ERCC2: variants seen among roughly 807,000 people sequenced by gnomAD.
The protein encoded by ERCC2 is general transcription and DNA repair factor IIH helicase subunit XPD.
Under a neutral mutation model 99.4 loss-of-function variants are expected in ERCC2, and 90 were observed. The observed-to-expected ratio is 0.91, with a 90% CI of 0.76 to 1.08. The LOEUF is 1.08. Ranked by LOEUF, ERCC2 falls within the 50% of genes least tolerant of loss-of-function variation. The pLI, the probability that ERCC2 is intolerant of heterozygous loss-of-function variation, is 0.00. For synonymous variants in ERCC2, 497 were observed against 432.4 expected (o/e 1.15, Z -1.85); for missense variants, 993 against 1,038.1 (o/e 0.96, Z 0.60).
In ERCC2 at chr19:45,364,300, G is replaced by A. The variant is rs764314854; in HGVS notation, c.750C>T (p.Asn250=). Residue 250 remains asparagine, a synonymous_variant, in exon 9 of 23, where the codon AAC becomes AAT. Transcript: ENST00000391945. The part of the protein sequence containing the change: ...DNVCIDSMSV[N]LTRRTLDRCQ... ...ACCGGTCAAGGGTCCGGCGGGTGAG[G>A]TTGACGCTCATGGAGTCGATGCAGA... The A allele has an allele frequency of 6.2e-7, 1 of 1,614,038 alleles. No homozygotes were observed. Among genetic ancestry groups the A allele is most frequent in the African/African-American group, 1.3e-5 (1 of 75,066 alleles).
In ERCC2 at chr19:45,350,319, C is replaced by A; in HGVS notation, c.*1310G>T. The stretch of plus-strand genomic sequence containing the variant: ...TTGGGAACTGGGGTCCGAAAAGTTC[C>A]CAGACACTCCCTTCTCCGCAGGCCT... On this transcript the variant is annotated 3_prime_UTR_variant, in exon 23 of 23. Coordinates refer to ENST00000391945, the MANE Select transcript of ERCC2 (RefSeq NM_000400.4). The A allele has an allele frequency of 6.2e-7, 1 of 1,609,242 alleles. No homozygotes were observed. The highest frequency in any genetic ancestry group is 1.1e-5 in the South Asian group (1 of 90,970).
Position 45,352,513 on chromosome 19 carries a change from G to A in ERCC2, c.2039C>T (p.Ala680Val). 2 of 1,614,164 alleles carry A rather than the reference G, an allele frequency of 1.2e-6. No individual in the cohort carries two copies. Among genetic ancestry groups the A allele is most frequent in the East Asian group, 2.2e-5 (1 of 44,882 alleles). Reference sequence around the variant, plus strand: ...GCACCCCTGAAGCTGCACCTTGTCGGCAAAGACCATGAGGCCGTAGTCCGT... The same window carrying A: ...GCACCCCTGAAGCTGCACCTTGTCGACAAAGACCATGAGGCCGTAGTCCGT... Reference protein sequence around the residue: ...GKTDYGLMVFADKRFARGDKR... With the variant: ...GKTDYGLMVFVDKRFARGDKR... The change falls in exon 21 of 23, where the codon GCC becomes GTC. Residue 680 changes from alanine (A) to valine (V), a missense_variant. Around this residue, in one of 3 missense-constraint regions of ERCC2, gnomAD observed 909 missense variants for 930.8 expected, o/e 0.98. Coordinates refer to ENST00000391945, the MANE Select transcript of ERCC2 (RefSeq NM_000400.4).
intron 15 of ERCC2, among the ~76,000 whole-genome samples, chr19:45,356,313 A>C (rs753205960): frequency 7.2e-5 from 11 of 152,118 alleles, no homozygotes; most frequent in Admixed American, 2.6e-4. Flanking sequence ...TTTCTTTTTC[A>C]AGTTTGGCAC....
chr19:45,364,823 C>T lies in ERCC2; in HGVS notation c.594+15G>A, dbSNP rs919649000. The stretch of plus-strand genomic sequence containing the variant: ...CTCACACTCGCCCCTCTGCCCATCC[C>T]ACCAGCCTCCTCACTGAGTATCGAG... On this transcript the variant is annotated intron_variant, in intron 7 of 22. Transcript: ENST00000391945. The T allele has an allele frequency of 5.0e-6, 8 of 1,593,576 alleles. No individual in the cohort carries two copies. The highest frequency in any genetic ancestry group is 2.7e-5 in the African/African-American group (2 of 74,544).
rs746686219 is a variant in ERCC2 at position 45,353,158 on chromosome 19, G to A, written c.1759-3C>T. On this transcript the variant is annotated splice_region_variant and splice_polypyrimidine_tract_variant and intron_variant, in intron 18 of 22. Coordinates refer to ENST00000391945, the MANE Select transcript of ERCC2 (RefSeq NM_000400.4). ...GCCCCGCGGCCATTCTCGCAGGCCTGAGGTGGGGAGACCGAGACGCAAGTT... is the reference window on the plus strand; with the variant it reads ...GCCCCGCGGCCATTCTCGCAGGCCTAAGGTGGGGAGACCGAGACGCAAGTT... The A allele has an allele frequency of 2.8e-5, 45 of 1,613,794 alleles. 2 individuals are homozygous for A. In the South Asian group the frequency reaches 4.8e-4, roughly 17 times the overall value.
Position 45,352,322 on chromosome 19 carries a change from G to GCTT in ERCC2, c.2074_2076dup (p.Lys692dup). The GCTT allele has an allele frequency of 6.2e-7, 1 of 1,614,060 alleles. No homozygotes were observed. The highest frequency in any genetic ancestry group is 2.2e-5 in the East Asian group (1 of 44,880). On this transcript the variant is annotated inframe_insertion, in exon 22 of 23. Coordinates refer to ENST00000391945, the MANE Select transcript of ERCC2 (RefSeq NM_000400.4). ...AGGTGCTCCTGGATCCAGCGGGGCAGCTTCCCCCGCTTGTCCCCACGGGCA... is the reference window on the plus strand; with the variant it reads ...AGGTGCTCCTGGATCCAGCGGGGCAGCTTCTTCCCCCGCTTGTCCCCACGGGCA...
chr19:45,352,464 G>A (rs376118284), intron 21 of ERCC2, 42 bp downstream of exon 21: 1 of 1,613,938 alleles, frequency 6.2e-7, no homozygotes, highest in Non-Finnish European at 8.5e-7. Flanking sequence ...CCTGGTTCTT[G>A]GAGCCTGGGA....
At chr19:45,358,904 G>A (rs1403119813) in intron 12 of ERCC2, 1 of 776,318 alleles carries the variant, frequency 1.3e-6, no homozygotes, top group Admixed American at 1.7e-5. Flanking sequence ...CCACAGTGCT[G>A]AGCCTGGCCT....
rs1971857332 is a variant in ERCC2, at chr19:45,352,776, G to GGGGACGCCAAACATGATGAC, written c.1852_1871dup (p.Tyr625SerfsTer91). 3.7e-6 allele frequency: 6 copies of GGGGACGCCAAACATGATGAC among 1,613,816 alleles called. No homozygotes were observed. Among genetic ancestry groups the GGGGACGCCAAACATGATGAC allele is most frequent in the South Asian group, 2.2e-5 (2 of 91,078 alleles). ...GAATGCGGCTCTGTGTGTAGACGTAGGGGACGCCAAACATGATGACGGCCC... is the reference window on the plus strand; with the variant it reads ...GAATGCGGCTCTGTGTGTAGACGTAGGGGACGCCAAACATGATGACGGGACGCCAAACATGATGACGGCCC... On this transcript the variant is annotated frameshift_variant, in exon 20 of 23. Coordinates refer to ENST00000391945, the MANE Select transcript of ERCC2 (RefSeq NM_000400.4). LOFTEE classifies it high-confidence loss of function.
intron 2 of ERCC2, 145 bp downstream of exon 2, chr19:45,369,988 T>C: frequency 4.2e-6 from 3 of 711,728 alleles, no homozygotes; most frequent in Non-Finnish European, 7.0e-6. Context: ...TTCACCATTA[T>C]TGTTTTAGAT....
At chr19:45,368,860 C>T in intron 4 of ERCC2, 70 bp downstream of exon 4, 9 of 1,587,464 alleles carry the variant, frequency 5.7e-6, no homozygotes, top group East Asian at 2.2e-5. Context: ...CTGGTGACGG[C>T]CACCGCCAGG....
chr19:45,352,733 C>G lies in ERCC2; in HGVS notation c.1902+13G>C. The G allele has an allele frequency of 1.2e-6, 2 of 1,613,956 alleles. No homozygotes were observed. ...TAACACTGTGGGACTCCCTGGGAGA[C>G]AGAGCTACTCACCTTGAGAATGCGG... On this transcript the variant is annotated intron_variant, in intron 20 of 22. Coordinates refer to ENST00000391945, the MANE Select transcript of ERCC2 (RefSeq NM_000400.4).
Position 45,364,062 on chromosome 19 carries a change from C to T in ERCC2, c.873G>A (p.Gly291=), listed in dbSNP as rs552090174. Residue 291 remains glycine (G), a synonymous_variant, in exon 10 of 23, where the codon GGG becomes GGA. Transcript: ENST00000391945. The part of the protein sequence containing the change: ...LRDEYRRLVE[G]LREASAARET... ...CCCGGGCGGCGCTGGCCTCCCGCAGCCCCTCCACCAGACGCCGGTACTCGT... is the reference window on the plus strand; with the variant it reads ...CCCGGGCGGCGCTGGCCTCCCGCAGTCCCTCCACCAGACGCCGGTACTCGT... 1.1e-5 allele frequency: 18 copies of T among 1,582,032 alleles called. No homozygotes were observed. In the Admixed American group the frequency reaches 2.5e-4, roughly 22 times the overall value.
chr19:45,368,705 C>G lies in ERCC2; in HGVS notation c.285G>C (p.Glu95Asp), dbSNP rs1281566631. Residue 95 changes from glutamate to aspartate, a missense_variant, in exon 5 of 23, where the codon GAG becomes GAC. Physicochemically the swap from Glu to Asp is conservative, Grantham distance 45. Transcript: ENST00000391945. ...EELRKLLNFY[E>D]KQEGEKLPFL... is the part of the protein sequence containing the mutation. The stretch of plus-strand genomic sequence containing the variant: ...ACGGCAGCTTCTCGCCCTCCTGCTT[C>G]TCATAGAAGTTGAGCAACTTTCGAA... 1 of 1,613,950 alleles carries G rather than the reference C, an allele frequency of 6.2e-7. No homozygotes were observed. The highest frequency in any genetic ancestry group is 8.5e-7 in the Non-Finnish European group (1 of 1,179,968).
intron 15 of ERCC2, 76 bp from the exon 16 acceptor site, chr19:45,355,804 C>G (rs1971992433): frequency 6.5e-6 from 6 of 922,164 alleles, no homozygotes; most frequent in Non-Finnish European, 1.0e-5. Flanking sequence ...CCTGCTGGTG[C>G]TGTTCTAAGC....
intron 5 of ERCC2, among the ~76,000 whole-genome samples, 155 bp from the exon 6 acceptor site, chr19:45,365,313 G>A (rs978659205): frequency 3.9e-5 from 6 of 152,174 alleles, no homozygotes; most frequent in Admixed American, 2.0e-4. Flanking sequence ...CTTAATGCAG[G>A]GATACAAGAG....
chr19:45,364,242 C>G lies in ERCC2; in HGVS notation c.808G>C (p.Val270Leu). 2.5e-6 allele frequency: 4 copies of G among 1,613,692 alleles called. No homozygotes were observed. Among genetic ancestry groups the G allele is most frequent in the Non-Finnish European group, 3.4e-6 (4 of 1,179,934 alleles). ...AGACGTCCCCGGCCCCACCTGAGCA[C>G]CGTCTTCTGCAGGGTCTCCAGGTTG... ...QGNLETLQKT[V>L]LRIKETDEQR... Residue 270 changes from valine (V) to leucine (L), a missense_variant, in exon 9 of 23, where the codon GTG (valine) becomes CTG (leucine). Val to Leu is a conservative substitution (Grantham distance 32, BLOSUM62 1). This residue lies in a region of ERCC2 where 909 missense variants were observed against 930.8 expected (regional missense o/e 0.98). Transcript: ENST00000391945.
intron 2 of ERCC2, 29 bp downstream of exon 2, chr19:45,370,104 T>C (rs957206239): frequency 5.6e-6 from 9 of 1,610,278 alleles, no homozygotes; most frequent in Admixed American, 3.3e-5. Context: ...ACCGGTCGAG[T>C]GGGCGGGTCG....
chr19:45,357,757 A>C (rs1053204618), intron 12 of ERCC2, 58 bp from the exon 13 acceptor site: 2 of 1,474,186 alleles, frequency 1.4e-6, no homozygotes, highest in Admixed American at 3.4e-5. Flanking sequence ...AGCTGCACCC[A>C]CTCAGTCATT....
Sources: allele counts gnomAD v4.1 joint callset (sites outside exome capture counted in the v4.1 genomes callset), GRCh38; gene constraint gnomAD v4.1.1; regional missense constraint gnomAD v4.1.1; transcripts MANE v1.5; gene names NCBI Gene and HGNC (gene_info 2026-07-23, HGNC 2026-07-21).